Variants in PTH2R observed in about 807,000 individuals in gnomAD.
PTH2R encodes parathyroid hormone 2 receptor.
Under a neutral mutation model 60.3 loss-of-function variants are expected in PTH2R, and 59 were observed. The observed-to-expected ratio is 0.98, with a 90% CI of 0.79 to 1.22. PTH2R has a LOEUF of 1.22. Among genes scored for constraint, PTH2R ranks in the 50% most tolerant of loss-of-function variants. The pLI is 0.00. For missense variants in PTH2R, 749 were observed against 682.6 expected, an observed-to-expected ratio of 1.10 and a Z score of -1.08; for synonymous variants, 256 against 243.8, an observed-to-expected ratio of 1.05 and a Z score of -0.47.
At chr2:208,468,112 T>A (rs1195726371) in intron 9 of PTH2R, among the ~76,000 whole-genome samples, 1 of 152,152 alleles carries the variant, frequency 6.6e-6, no homozygotes, top group Non-Finnish European at 1.5e-5. Context: ...CAGGCCACAT[T>A]ATTAGGGACC....
chr2:208,454,317 A>AC (rs1342790205), intron 8 of PTH2R, among the ~76,000 whole-genome samples: 2 of 152,156 alleles, frequency 1.3e-5, no homozygotes, highest in Non-Finnish European at 2.9e-5. Context: ...TAAAGCCCTA[A>AC]CCCCCAATGT....
chr2:208,428,283 C>T lies in PTH2R; in HGVS notation c.158C>T (p.Thr53Ile), dbSNP rs1485724075. The T allele has an allele frequency of 4.3e-6, 7 of 1,612,404 alleles. No individual in the cohort carries two copies. The highest frequency in any genetic ancestry group is 5.1e-6 in the Non-Finnish European group (6 of 1,179,206). ...KAKVQCELNI[T>I]AQLQEGEGNC... ...AAAGTACAATGTGAACTCAACATCA[C>T]AGCTCAACTCCAGGAGGGAGGTAAA... The change falls in exon 2 of 13, where the codon ACA (threonine) becomes ATA (isoleucine). Residue 53 changes from threonine to isoleucine, a missense_variant. Thr to Ile is a moderately conservative substitution (Grantham distance 89). Coordinates refer to ENST00000272847, the MANE Select transcript of PTH2R (RefSeq NM_005048.4).
chr2:208,384,790 G>C lies in PTH2R; in HGVS notation c.-259+24553G>C, dbSNP rs550124335. ...CTGCATAAACATCTGTGGTCATCTA[G>C]GGAATGCCTGACCTGGTTCAGAGGT... On this transcript the variant is annotated intron_variant, in intron 1 of 12. Coordinates refer to the PTH2R transcript ENST00000617735. Among the ~76,000 whole-genome samples, 10 of 152,322 alleles carry C rather than the reference G, an allele frequency of 6.6e-5. No homozygotes were observed. In the East Asian group the frequency reaches 1.5e-3, roughly 23 times the overall value.
At chr2:208,402,553 TAAAG>T (rs1559209305), upstream of PTH2R, among the ~76,000 whole-genome samples, 2 of 152,198 alleles carry the variant, frequency 1.3e-5, no homozygotes, top group African/African-American at 2.4e-5. Context: ...TTTTAAGTGA[TAAAG>T]AAACAACTAG....
chr2:208,367,208 C>T (rs1409950626), intron 1 of PTH2R, among the ~76,000 whole-genome samples: 1 of 152,030 alleles, frequency 6.6e-6, no homozygotes, highest in Non-Finnish European at 1.5e-5. Context: ...ATTCTCCTGC[C>T]TCAGCCTCCT....
chr2:208,375,247 G>T (rs1044608827), intron 1 of PTH2R, among the ~76,000 whole-genome samples: 2 of 151,996 alleles, frequency 1.3e-5, no homozygotes, highest in Non-Finnish European at 2.9e-5. Context: ...CAGTCTCTTT[G>T]TAAAGTAATG....
chr2:208,437,902 G>C (rs575374433), intron 4 of PTH2R, 21 bp downstream of exon 4: 4 of 1,602,470 alleles, frequency 2.5e-6, no homozygotes, highest in South Asian at 1.1e-5. Context: ...TTCTCTATTT[G>C]TGAATTCCTA....
intron 9 of PTH2R, among the ~76,000 whole-genome samples, chr2:208,469,247 T>A (rs1702826718): frequency 6.6e-6 from 1 of 152,238 alleles, no homozygotes; most frequent in South Asian, 2.1e-4. Context: ...AAGTTGTTTT[T>A]TAGTCATGCA....
chr2:208,413,464 A>G (rs1351242805), intron 1 of PTH2R, among the ~76,000 whole-genome samples: 1 of 152,234 alleles, frequency 6.6e-6, no homozygotes, highest in Admixed American at 6.5e-5. Context: ...ATGAAAGTGT[A>G]AAAATGATTC....
chr2:208,445,003 T>A, intron 7 of PTH2R, 116 bp downstream of exon 7: 1 of 1,073,950 alleles, frequency 9.3e-7, no homozygotes, highest in East Asian at 2.6e-5. Context: ...CTCCCATTCT[T>A]ATTTTTTATC....
At chr2:208,485,282 C>T (rs1703246085) in intron 10 of PTH2R, among the ~76,000 whole-genome samples, 1 of 152,174 alleles carries the variant, frequency 6.6e-6, no homozygotes, top group Non-Finnish European at 1.5e-5. Flanking sequence ...GACACTGAGT[C>T]CCAAAACCAC....
intron 1 of PTH2R, among the ~76,000 whole-genome samples, chr2:208,380,312 A>G (rs1020488056): frequency 2.0e-5 from 3 of 152,138 alleles, no homozygotes; most frequent in Admixed American, 2.0e-4. Context: ...AGATGCTTGT[A>G]TGTGAATTAT....
In PTH2R at chr2:208,443,351, A is replaced by T. The variant is rs368600678; in HGVS notation, c.513A>T (p.Arg171=). 6.4e-7 allele frequency: 1 copy of T among 1,552,466 alleles called. No homozygotes were observed. The highest frequency in any genetic ancestry group is 8.7e-7 in the Non-Finnish European group (1 of 1,152,782). The change falls in exon 6 of 13, where the codon CGA becomes CGT. Residue 171 remains arginine, a synonymous_variant. Transcript: ENST00000272847. Reference sequence around the variant, plus strand: ...TACTGAATATTTCTCTCCGTAGACGATTGCATTGCACTAGGAACTATATCC... The same window carrying T: ...TACTGAATATTTCTCTCCGTAGACGTTTGCATTGCACTAGGAACTATATCC... ...VAILIIGYFR[R]LHCTRNYIHM... is the part of the protein sequence containing the mutation.
At position 208,437,965 on chromosome 2, in the gene PTH2R, A is replaced by G. The variant is rs1344489730; in HGVS notation, c.411+84A>G. 12 of 1,517,134 alleles carry G rather than the reference A, an allele frequency of 7.9e-6. No individual in the cohort carries two copies. In the African/African-American group the frequency reaches 1.4e-4, roughly 17 times the overall value. The allele number at this position is 1,517,134 out of a possible 1,614,324, so 94.0% of individuals were successfully genotyped here. On this transcript the variant is annotated intron_variant, in intron 4 of 12. Coordinates refer to ENST00000272847, the MANE Select transcript of PTH2R (RefSeq NM_005048.4). ...AATTCTCAATTGCCAGCCATTATGTATAAAAACCCTCTTATTCCACGACAC... is the reference window on the plus strand; with the variant it reads ...AATTCTCAATTGCCAGCCATTATGTGTAAAAACCCTCTTATTCCACGACAC...
intron 2 of PTH2R, among the ~76,000 whole-genome samples, chr2:208,435,576 AG>A (rs1468790151): frequency 5.3e-5 from 8 of 152,202 alleles, no homozygotes; most frequent in African/African-American, 1.9e-4. Context: ...AGATGGAAGA[AG>A]GGGGCCAAGC....
chr2:208,448,147 G>A (rs1702327254), intron 7 of PTH2R, among the ~76,000 whole-genome samples: 1 of 151,986 alleles, frequency 6.6e-6, no homozygotes, highest in African/African-American at 2.4e-5. Context: ...TATTCCCTTT[G>A]TAAAATATCT....
At chr2:208,382,850 T>C (rs1012053563) in intron 1 of PTH2R, among the ~76,000 whole-genome samples, 1 of 152,218 alleles carries the variant, frequency 6.6e-6, no homozygotes, top group African/African-American at 2.4e-5. Context: ...TGTGATATTC[T>C]CTGAGGCACA....
intron 1 of PTH2R, among the ~76,000 whole-genome samples, chr2:208,366,494 A>G (rs1285738799): frequency 6.6e-6 from 1 of 152,192 alleles, no homozygotes; most frequent in African/African-American, 2.4e-5. Flanking sequence ...TAGTAAAGAA[A>G]GAAGGGAAAT....
At chr2:208,481,832 A>G (rs540645191) in intron 10 of PTH2R, among the ~76,000 whole-genome samples, 3 of 152,332 alleles carry the variant, frequency 2.0e-5, no homozygotes, top group Non-Finnish European at 4.4e-5. Flanking sequence ...ATTGTTTTTA[A>G]TCTTTACATC....
Sources: allele counts gnomAD v4.1 joint callset (sites outside exome capture counted in the v4.1 genomes callset), GRCh38; gene constraint gnomAD v4.1.1; transcripts MANE v1.5; gene names NCBI Gene and HGNC (gene_info 2026-07-23, HGNC 2026-07-21).